Variants in PCLO observed in about 807,000 individuals in gnomAD.
The protein encoded by PCLO is protein piccolo.
Under a neutral mutation model 427.5 loss-of-function variants are expected in PCLO, and 82 were observed. The observed-to-expected ratio is 0.19, with a 90% CI of 0.16 to 0.23. PCLO has a LOEUF of 0.23. Among genes scored for constraint, PCLO ranks in the 10% least tolerant of loss-of-function variants. PCLO has a pLI of 1.00. For synonymous variants in PCLO, 2,357 were observed against 2,155.4 expected (o/e 1.09, Z -2.59); for missense variants, 6,239 against 6,115.9 (o/e 1.02, Z -0.67).
chr7:83,116,264 G>GT (rs1791128431), intron 3 of PCLO, among the ~76,000 whole-genome samples: 1 of 108,618 alleles, frequency 9.2e-6, no homozygotes, highest in African/African-American at 4.1e-5. Context: ...TAGGAGAAAT[G>GT]CAATCAATTT....
chr7:82,901,127 A>G (rs1314301837), intron 9 of PCLO, among the ~76,000 whole-genome samples: 2 of 151,946 alleles, frequency 1.3e-5, no homozygotes, highest in East Asian at 3.9e-4. Context: ...CATGTGCATT[A>G]AAACATATGA....
chr7:83,101,982 A>G (rs1681548865), intron 3 of PCLO, among the ~76,000 whole-genome samples: 1 of 152,080 alleles, frequency 6.6e-6, no homozygotes, highest in African/African-American at 2.4e-5. Context: ...CAAGCAAAAA[A>G]GTAGATCTAA....
At chr7:82,857,478 C>G (rs1206256729) in intron 10 of PCLO, among the ~76,000 whole-genome samples, 1 of 152,072 alleles carries the variant, frequency 6.6e-6, no homozygotes, top group Non-Finnish European at 1.5e-5. Context: ...TAGATTTTAA[C>G]ATAAAATATC....
rs1487988544 is a variant in PCLO at position 83,135,172 on chromosome 7, G to C, written c.2378C>G (p.Pro793Arg). Residue 793 changes from proline (P) to arginine (R), a missense_variant, in exon 3 of 25, where the codon CCT becomes CGT. Pro to Arg is a moderately radical substitution (Grantham distance 103, BLOSUM62 -2). Around this residue, in one of 5 missense-constraint regions of PCLO, gnomAD observed 4,677 missense variants for 4,468.4 expected, o/e 1.05. Coordinates refer to ENST00000333891, the MANE Select transcript of PCLO (RefSeq NM_033026.6). ...TTTGGCAGAGTCTGTTTTTAGAGGA[G>C]GGGTTGTTTTCTCTTCAGCTTGTGA... is the stretch of plus-strand genomic sequence containing the variant. ...VQSQAEEKTT[P>R]PLKTDSAKPS... 1 of 1,613,782 alleles carries C rather than the reference G, an allele frequency of 6.2e-7. No homozygotes were observed. Among genetic ancestry groups the C allele is most frequent in the Non-Finnish European group, 8.5e-7 (1 of 1,179,874 alleles).
At chr7:83,046,069 T>G (rs1789096964) in intron 3 of PCLO, among the ~76,000 whole-genome samples, 2 of 152,096 alleles carry the variant, frequency 1.3e-5, no homozygotes, top group Admixed American at 1.3e-4. Flanking sequence ...TAGTTACTTC[T>G]CAGTCTGTGA....
rs371527843 is a variant in PCLO, at chr7:82,956,677, T to C, written c.4276A>G (p.Thr1426Ala). The C allele has an allele frequency of 5.9e-5, 95 of 1,612,802 alleles. No homozygotes were observed. The highest frequency in any genetic ancestry group is 6.3e-5 in the Non-Finnish European group (74 of 1,178,920). The change falls in exon 5 of 25, where the codon ACA (threonine) becomes GCA (alanine). Residue 1426 changes from threonine to alanine, a missense_variant. This residue lies in a region of PCLO where 4,677 missense variants were observed against 4,468.4 expected (regional missense o/e 1.05). Coordinates refer to ENST00000333891, the MANE Select transcript of PCLO (RefSeq NM_033026.6). Reference protein sequence around the residue: ...VLSILEAQASTLADEKSEKKT... With the variant: ...VLSILEAQASALADEKSEKKT... ...TTTTCTGACTTTTCATCAGCAAGTGTACTTGCTTGAGCTTCCAAAATAGAT... is the reference window on the plus strand; with the variant it reads ...TTTTCTGACTTTTCATCAGCAAGTGCACTTGCTTGAGCTTCCAAAATAGAT...
intron 10 of PCLO, among the ~76,000 whole-genome samples, chr7:82,862,095 C>T (rs1310333490): frequency 1.3e-5 from 2 of 151,496 alleles, no homozygotes; most frequent in Non-Finnish European, 3.0e-5. Context: ...TAGAAGAAAA[C>T]AAATAATAAA....
chr7:82,945,627 G>C (rs1224005921), intron 6 of PCLO, among the ~76,000 whole-genome samples: 1 of 152,246 alleles, frequency 6.6e-6, no homozygotes, highest in East Asian at 1.9e-4. Flanking sequence ...ACTGTTATGA[G>C]AGCGCTAGCA....
intron 10 of PCLO, among the ~76,000 whole-genome samples, chr7:82,852,824 T>A (rs1792699580): frequency 6.6e-6 from 1 of 152,168 alleles, no homozygotes; most frequent in Admixed American, 6.6e-5. Context: ...TTATTTATTC[T>A]CTCCAACTGT....
At chr7:83,119,187 T>C (rs1460403540) in intron 3 of PCLO, among the ~76,000 whole-genome samples, 1 of 152,098 alleles carries the variant, frequency 6.6e-6, no homozygotes, top group Non-Finnish European at 1.5e-5. Context: ...AGCCAGGCAA[T>C]AGTAGCCATA....
chr7:82,862,828 A>G (rs1307264792), intron 10 of PCLO, among the ~76,000 whole-genome samples: 1 of 152,014 alleles, frequency 6.6e-6, no homozygotes, highest in Non-Finnish European at 1.5e-5. Flanking sequence ...GGATATAGAG[A>G]GTAGAAGGAT....
At chr7:82,991,317 G>A (rs1044302305) in intron 3 of PCLO, among the ~76,000 whole-genome samples, 3 of 151,818 alleles carry the variant, frequency 2.0e-5, no homozygotes, top group South Asian at 2.1e-4. Context: ...ATCTTGTTGC[G>A]CCACTGCACT....
chr7:83,013,916 T>G (rs924362643), intron 3 of PCLO, among the ~76,000 whole-genome samples: 6 of 152,174 alleles, frequency 3.9e-5, no homozygotes, highest in Admixed American at 6.6e-5. Context: ...CTTTTGGATT[T>G]TATTGTTATT....
At chr7:83,149,932 G>C (rs1584089405) in intron 2 of PCLO, among the ~76,000 whole-genome samples, 1 of 152,024 alleles carries the variant, frequency 6.6e-6, no homozygotes, top group Admixed American at 6.6e-5. Flanking sequence ...AGGTGGCTAT[G>C]GTTTTGTTAG....
At chr7:82,947,368 C>G (rs570013789) in intron 6 of PCLO, among the ~76,000 whole-genome samples, 29 of 152,192 alleles carry the variant, frequency 1.9e-4, no homozygotes, top group African/African-American at 6.7e-4. Context: ...ACTGAGCTAG[C>G]CTTCTTAAAT....
rs764252952 is a variant in PCLO at position 82,915,234 on chromosome 7, T to A, written c.12752A>T (p.Asp4251Val). The A allele has an allele frequency of 2.5e-6, 4 of 1,613,152 alleles. No individual in the cohort carries two copies. In the Admixed American group the frequency reaches 6.7e-5, roughly 27 times the overall value. ...ITFGLRKNIT[D>V]QQKFMGSSLG... is the part of the protein sequence containing the mutation. ...AGAAGATCCCATAAATTTTTGTTGGTCTGTAATATTTTTTCTGAGGCCAAA... is the reference window on the plus strand; with the variant it reads ...AGAAGATCCCATAAATTTTTGTTGGACTGTAATATTTTTTCTGAGGCCAAA... Residue 4251 changes from aspartate to valine, a missense_variant, in exon 7 of 25, where the codon GAC becomes GTC. This residue lies in a region of PCLO where 680 missense variants were observed against 677.3 expected (regional missense o/e 1.00). Coordinates refer to ENST00000333891, the MANE Select transcript of PCLO (RefSeq NM_033026.6).
intron 6 of PCLO, 42 bp downstream of exon 6, chr7:82,949,434 T>G: frequency 1.4e-6 from 2 of 1,424,024 alleles, no homozygotes; most frequent in Non-Finnish European, 1.9e-6. Flanking sequence ...ACATGATTAA[T>G]AACTCATCCA....
At chr7:82,787,707 C>A (rs1583975009) in intron 22 of PCLO, among the ~76,000 whole-genome samples, 2 of 152,148 alleles carry the variant, frequency 1.3e-5, no homozygotes. Context: ...CACCCATAAA[C>A]CAATGAGCAA....
chr7:82,761,442 T>C lies in PCLO; in HGVS notation c.15059A>G (p.Lys5020Arg). Reference protein sequence around the residue: ...EIKIALKKEMKTDGEQLIVEI... With the variant: ...EIKIALKKEMRTDGEQLIVEI... ...AACTATTAGTTGTTCACCATCTGTC[T>C]TCATTTCCTTCTTCAATGCAATCTT... The change falls in exon 23 of 25, where the codon AAG (lysine) becomes AGG (arginine). Residue 5020 changes from lysine (K) to arginine (R), a missense_variant. This residue lies in a region of PCLO where 877 missense variants were observed against 925.5 expected (regional missense o/e 0.95). Coordinates refer to ENST00000333891, the MANE Select transcript of PCLO (RefSeq NM_033026.6). 6.3e-7 allele frequency: 1 copy of C among 1,592,956 alleles called. No individual in the cohort carries two copies. Among genetic ancestry groups the C allele is most frequent in the South Asian group, 1.1e-5 (1 of 89,892 alleles).
Sources: gnomAD v4.1 joint callset for allele counts (sites outside exome capture counted in the v4.1 genomes callset) on GRCh38, gnomAD v4.1.1 for gene constraint, gnomAD v4.1.1 regional missense constraint, MANE v1.5 for transcripts, NCBI Gene and HGNC (gene_info 2026-07-23, HGNC 2026-07-21) for gene names.